COL19A1: variants seen among roughly 807,000 people sequenced by gnomAD.
COL19A1 encodes collagen type XIX alpha 1 chain, also known as collagen alpha-1(XIX) chain.
COL19A1 carries 159 observed loss-of-function variants against 190.2 expected under a neutral mutation model. The observed-to-expected ratio is 0.84, with a 90% confidence interval of 0.73 to 0.95. The LOEUF (loss-of-function observed/expected upper bound fraction) is 0.95. Ranked by LOEUF, COL19A1 falls within the 40% of genes least tolerant of loss-of-function variation. The pLI, the probability that COL19A1 is intolerant of heterozygous loss-of-function variation, is 0.00. For missense variants in COL19A1, 1,418 were observed against 1,431.9 expected (o/e 0.99, Z 0.16); for synonymous variants, 509 against 458.9 (o/e 1.11, Z -1.39).
chr6:70,039,309 T>A (rs1779512030), intron 14 of COL19A1, among the ~76,000 whole-genome samples: 1 of 152,182 alleles, frequency 6.6e-6, no homozygotes, highest in Non-Finnish European at 1.5e-5. Context: ...TGAGCAAACA[T>A]TTTGGAATTA....
At chr6:70,071,322 G>T (rs530501683) in intron 15 of COL19A1, among the ~76,000 whole-genome samples, 144 of 151,942 alleles carry the variant, frequency 9.5e-4, no homozygotes, top group African/African-American at 3.4e-3. Context: ...CACTATTTTT[G>T]CAAGTACCAC....
At chr6:70,202,367 G>T (rs1283959458) in intron 49 of COL19A1, among the ~76,000 whole-genome samples, 1 of 152,110 alleles carries the variant, frequency 6.6e-6, no homozygotes, top group African/African-American at 2.4e-5. Context: ...GGTAACTTTT[G>T]AACTTTAAAT....
rs1258792214 is a variant in COL19A1 at position 69,898,936 on chromosome 6, C to A, written c.92-12C>A. 1 of 1,555,696 alleles carries A rather than the reference C, an allele frequency of 6.4e-7. No individual in the cohort carries two copies. The highest frequency in any genetic ancestry group is 1.8e-5 in the Admixed American group (1 of 56,488). ...AATGCAAATCCTCTATGCTTTTTTTCTTTTTAAATAGAAGAGTCATGCCCT... is the reference window on the plus strand; with the variant it reads ...AATGCAAATCCTCTATGCTTTTTTTATTTTTAAATAGAAGAGTCATGCCCT... On this transcript the variant is annotated splice_polypyrimidine_tract_variant and intron_variant, in intron 2 of 50. Transcript: ENST00000620364.
chr6:70,163,498 A>G, intron 36 of COL19A1, 102 bp downstream of exon 36: 4 of 1,070,406 alleles, frequency 3.7e-6, no homozygotes, highest in Middle Eastern at 2.1e-4. Flanking sequence ...AAAGCCTAAA[A>G]GTAGAAATGA....
intron 14 of COL19A1, among the ~76,000 whole-genome samples, chr6:70,058,389 TG>T (rs1217571915): frequency 6.6e-6 from 1 of 152,048 alleles, no homozygotes; most frequent in African/African-American, 2.4e-5. Flanking sequence ...TTACTACAAT[TG>T]GTAATGATTG....
At chr6:70,023,882 C>T (rs1016966185) in intron 12 of COL19A1, among the ~76,000 whole-genome samples, 8 of 152,166 alleles carry the variant, frequency 5.3e-5, no homozygotes, top group Admixed American at 2.0e-4. Flanking sequence ...TATTTTCTAC[C>T]TGTGCTTAGC....
intron 15 of COL19A1, among the ~76,000 whole-genome samples, chr6:70,070,888 T>C (rs1163541394): frequency 6.6e-6 from 1 of 152,136 alleles, no homozygotes; most frequent in Non-Finnish European, 1.5e-5. Context: ...TCTAGGAATT[T>C]AAAATCATTT....
chr6:70,034,066 C>T (rs1779214837), intron 12 of COL19A1, among the ~76,000 whole-genome samples, 179 bp from the exon 13 acceptor site: 1 of 152,098 alleles, frequency 6.6e-6, no homozygotes, highest in Non-Finnish European at 1.5e-5. Context: ...TGTATCTGTG[C>T]CCACCACGGC....
intron 2 of COL19A1, among the ~76,000 whole-genome samples, chr6:69,880,744 G>C (rs528652961): frequency 6.6e-6 from 1 of 152,062 alleles, no homozygotes; most frequent in South Asian, 2.1e-4. Context: ...CATACAATTT[G>C]GGGGGGAAAC....
chr6:69,991,202 T>C (rs911563874), intron 11 of COL19A1, among the ~76,000 whole-genome samples: 1 of 152,088 alleles, frequency 6.6e-6, no homozygotes, highest in African/African-American at 2.4e-5. Context: ...GCTCCATCCA[T>C]GTTGCTGCAA....
intron 19 of COL19A1, among the ~76,000 whole-genome samples, chr6:70,139,990 G>A (rs1786137092): frequency 6.6e-6 from 1 of 150,842 alleles, no homozygotes; most frequent in Non-Finnish European, 1.5e-5. Flanking sequence ...TACAGTGGCT[G>A]TAAATAAGCA....
At chr6:70,202,907 G>A (rs918832989) in intron 49 of COL19A1, among the ~76,000 whole-genome samples, 5 of 152,078 alleles carry the variant, frequency 3.3e-5, no homozygotes, top group African/African-American at 7.2e-5. Flanking sequence ...GATTTTAGCC[G>A]TCCCATGGGG....
chr6:69,916,443 C>G (rs1170081323), intron 4 of COL19A1, among the ~76,000 whole-genome samples: 2 of 151,826 alleles, frequency 1.3e-5, no homozygotes, highest in African/African-American at 2.4e-5. Context: ...TTTTTTTCAT[C>G]TTGTTTAGCA....
intron 10 of COL19A1, 134 bp from the exon 11 acceptor site, chr6:69,962,692 A>T: frequency 2.0e-6 from 1 of 496,110 alleles, no homozygotes; most frequent in African/African-American, 2.0e-5. Flanking sequence ...ATATTGGTTT[A>T]GAGCTTACAT....
Position 69,981,171 on chromosome 6 carries a change from G to A in COL19A1, c.1026+18301G>A, listed in dbSNP as rs915629623. Reference sequence around the variant, plus strand: ...GTTATAACATAGTATTACTTGTTAGGTATACAAAAAACAAACCATACAGAG... The same window carrying A: ...GTTATAACATAGTATTACTTGTTAGATATACAAAAAACAAACCATACAGAG... On this transcript the variant is annotated intron_variant, in intron 11 of 50. Transcript: ENST00000620364. 9.2e-5 allele frequency among the ~76,000 whole-genome samples: 14 copies of A among 152,104 alleles called. 1 individual carries two copies. Among genetic ancestry groups the A allele is most frequent in the African/African-American group, 3.4e-4 (14 of 41,430 alleles).
chr6:70,005,755 G>A (rs1777582811), intron 11 of COL19A1, among the ~76,000 whole-genome samples: 1 of 152,206 alleles, frequency 6.6e-6, no homozygotes, highest in African/African-American at 2.4e-5. Flanking sequence ...ACTACCAGGA[G>A]GAATGGTTAA....
At position 69,997,014 on chromosome 6, in the gene COL19A1, C is replaced by CATATATATATATATAT. The variant is rs370136850; in HGVS notation, c.1027-26600_1027-26599insTATATATATATATATA. On this transcript the variant is annotated intron_variant, in intron 11 of 50. Transcript: ENST00000620364. ...GTATGTGTGTGTGTGTTTATATATA[C>CATATATATATATATAT]ATATATATATATAGAGAGAGAGAGA... Among the ~76,000 whole-genome samples, 149 of 142,718 alleles carry CATATATATATATATAT rather than the reference C, an allele frequency of 1.0e-3. 1 individual carries two copies. The highest frequency in any genetic ancestry group is 7.2e-3 in the Middle Eastern group (2 of 278). 93.6% of individuals were successfully genotyped at this position (142,718 alleles called of 152,430 possible). A position where few individuals can be genotyped will look rare whatever the true frequency, so the allele number is the denominator to read the frequency against.
intron 34 of COL19A1, among the ~76,000 whole-genome samples, chr6:70,158,449 A>G (rs899921937): frequency 1.3e-5 from 2 of 152,036 alleles, no homozygotes; most frequent in African/African-American, 4.8e-5. Context: ...TCTCTTTGAG[A>G]CTTCTAATTA....
intron 15 of COL19A1, among the ~76,000 whole-genome samples, chr6:70,082,438 T>A (rs1162139352): frequency 1.5e-4 from 23 of 152,006 alleles, no homozygotes. Context: ...TGAGACAGAG[T>A]CTCACTCTGT....
Sources: gnomAD v4.1 joint callset for allele counts (sites outside exome capture counted in the v4.1 genomes callset) on GRCh38, gnomAD v4.1.1 for gene constraint, MANE v1.5 for transcripts, NCBI Gene and HGNC (gene_info 2026-07-23, HGNC 2026-07-21) for gene names.